Variants in KIAA0232 observed in about 807,000 individuals in gnomAD.
KIAA0232 encodes uncharacterized protein KIAA0232.
A neutral mutation model predicts 122.0 loss-of-function variants in KIAA0232; 27 were observed. The ratio of observed to expected loss-of-function variants is 0.22; its 90% CI spans 0.16 to 0.31. The LOEUF (loss-of-function observed/expected upper bound fraction) is 0.31, where lower values mean the gene tolerates loss of function less well. KIAA0232 is among the 10% of genes least tolerant of loss of function. KIAA0232 has a pLI of 1.00. For missense variants in KIAA0232, 1,551 were observed against 1,634.2 expected, an observed-to-expected ratio of 0.95 and a Z score of 0.88; for synonymous variants, 613 against 587.6, an observed-to-expected ratio of 1.04 and a Z score of -0.63.
chr4:6,873,372 T>G (rs1721595133), intron 8 of KIAA0232, among the ~76,000 whole-genome samples: 3 of 152,222 alleles, frequency 2.0e-5, no homozygotes. Flanking sequence ...AGAGCTTCCC[T>G]TCATGTGTGT....
In KIAA0232 at chr4:6,883,272, G is replaced by A. The variant is rs962064112; in HGVS notation, c.*2306G>A. On this transcript the variant is annotated 3_prime_UTR_variant, in exon 10 of 10. Transcript: ENST00000307659. ...TTCCTGGGCTGAGATTGTTTTTCCCGTGGTTGTATTGTTCTGATTTCACGT... is the reference window on the plus strand; with the variant it reads ...TTCCTGGGCTGAGATTGTTTTTCCCATGGTTGTATTGTTCTGATTTCACGT... 4.6e-5 allele frequency: 7 copies of A among 152,532 alleles called. No homozygotes were observed. Among genetic ancestry groups the A allele is most frequent in the Admixed American group, 2.6e-4 (4 of 15,274 alleles). The allele number at this position is 152,532 out of a possible 1,614,324, so 9.4% of individuals were successfully genotyped here. A position where few individuals can be genotyped will look rare whatever the true frequency, so the allele number is the denominator to read the frequency against.
chr4:6,796,215 A>C (rs996108907), intron 1 of KIAA0232, among the ~76,000 whole-genome samples: 2 of 152,136 alleles, frequency 1.3e-5, no homozygotes, highest in African/African-American at 2.4e-5. Flanking sequence ...CTGTAGGATC[A>C]GGATAGGATT....
At chr4:6,866,280 A>G in intron 7 of KIAA0232, 3 of 963,160 alleles carry the variant, frequency 3.1e-6, no homozygotes, top group African/African-American at 3.5e-5. Flanking sequence ...TGATGTATTT[A>G]TGTGTTATCA....
intron 5 of KIAA0232, among the ~76,000 whole-genome samples, chr4:6,858,207 A>G (rs1461362789): frequency 6.6e-6 from 1 of 152,202 alleles, no homozygotes; most frequent in East Asian, 1.9e-4. Context: ...GAGATGAACA[A>G]CTCTCACCTC....
chr4:6,878,056 A>T (rs906581825), intron 9 of KIAA0232, among the ~76,000 whole-genome samples: 12 of 152,184 alleles, frequency 7.9e-5, no homozygotes, highest in African/African-American at 2.9e-4. Context: ...AGTTAACAAT[A>T]CTTAAATGCT....
chr4:6,787,377 G>C (rs935843122), intron 1 of KIAA0232, among the ~76,000 whole-genome samples: 3 of 152,160 alleles, frequency 2.0e-5, no homozygotes, highest in African/African-American at 7.2e-5. Flanking sequence ...CCGTGAACAA[G>C]TTTGTTAAAT....
chr4:6,867,600 G>A (rs1404463276), intron 7 of KIAA0232, among the ~76,000 whole-genome samples: 1 of 152,182 alleles, frequency 6.6e-6, no homozygotes, highest in African/African-American at 2.4e-5. Context: ...TGTCTTCAGG[G>A]AATTTCAGTC....
In KIAA0232 at chr4:6,863,261, A is replaced by G; in HGVS notation, c.2879A>G (p.Gln960Arg). 2 of 1,614,138 alleles carry G rather than the reference A, an allele frequency of 1.2e-6. No homozygotes were observed. Among genetic ancestry groups the G allele is most frequent in the Non-Finnish European group, 8.5e-7 (1 of 1,180,042 alleles). ...PPSHTKGSLL[Q>R]CAASDVVTIA... ...AGTCACACAAAAGGAAGTCTGTTAC[A>G]GTGTGCAGCTTCTGATGTTGTGACG... Residue 960 changes from glutamine (Q) to arginine (R), a missense_variant, in exon 7 of 10, where the codon CAG becomes CGG. Gln to Arg is a conservative substitution (Grantham distance 43, BLOSUM62 1). Transcript: ENST00000307659.
At chr4:6,795,705 AT>A (rs956302821) in intron 1 of KIAA0232, among the ~76,000 whole-genome samples, 3 of 152,056 alleles carry the variant, frequency 2.0e-5, no homozygotes, top group Non-Finnish European at 4.4e-5. Flanking sequence ...TAGTCCTCCC[AT>A]TTCAGCCTCC....
At chr4:6,848,978 A>G (rs1720125449) in intron 4 of KIAA0232, among the ~76,000 whole-genome samples, 4 of 152,224 alleles carry the variant, frequency 2.6e-5, no homozygotes, top group Admixed American at 2.6e-4. Flanking sequence ...GGAGCATTTG[A>G]GGACACACGG....
Position 6,882,086 on chromosome 4 carries a change from G to A in KIAA0232, c.*1120G>A, listed in dbSNP as rs1278065044. 2 of 152,580 alleles carry A rather than the reference G, an allele frequency of 1.3e-5. No homozygotes were observed. The highest frequency in any genetic ancestry group is 4.8e-5 in the African/African-American group (2 of 41,458). The allele number at this position is 152,580 out of a possible 1,614,324, so 9.5% of individuals were successfully genotyped here. On this transcript the variant is annotated 3_prime_UTR_variant, in exon 10 of 10. Transcript: ENST00000307659. ...GGACTGGCTCCCGTTTCTCCTTGGT[G>A]AGCCCGGGGAGCCGGCGCATCTTGT...
intron 4 of KIAA0232, among the ~76,000 whole-genome samples, chr4:6,852,269 T>G (rs11722984): frequency 1.3e-5 from 2 of 152,180 alleles, no homozygotes; most frequent in African/African-American, 2.4e-5. Context: ...TTAGAGGAGT[T>G]TTTTTTCACT....
chr4:6,860,953 A>G lies in KIAA0232; in HGVS notation c.571A>G (p.Ile191Val), dbSNP rs1413403407. The stretch of plus-strand genomic sequence containing the variant: ...TGAGAAACCAGTTTGCCTGCAAGAA[A>G]TCATGACTGTGTGGAACAAGTCTAA... ...LSEKPVCLQE[I>V]MTVWNKSKVC... The change falls in exon 7 of 10, where the codon ATC becomes GTC. Residue 191 changes from isoleucine to valine, a missense_variant. Around this residue, in one of 5 missense-constraint regions of KIAA0232, gnomAD observed 377 missense variants for 381.7 expected, o/e 0.99. Coordinates refer to ENST00000307659, the MANE Select transcript of KIAA0232 (RefSeq NM_014743.3). The G allele has an allele frequency of 6.2e-7, 1 of 1,614,172 alleles. No homozygotes were observed. The highest frequency in any genetic ancestry group is 1.7e-5 in the Admixed American group (1 of 60,008).
At chr4:6,829,911 T>C (rs1190174102) in intron 3 of KIAA0232, among the ~76,000 whole-genome samples, 9 of 152,356 alleles carry the variant, frequency 5.9e-5, no homozygotes, top group Middle Eastern at 3.4e-3. Flanking sequence ...GTTTCAGTAT[T>C]GTTCTTATAA....
chr4:6,875,359 T>C (rs1272038481), intron 8 of KIAA0232, among the ~76,000 whole-genome samples: 3 of 152,256 alleles, frequency 2.0e-5, no homozygotes, highest in Non-Finnish European at 4.4e-5. Context: ...CAAAGTTACA[T>C]CACAAGTAAA....
At chr4:6,836,187 TGTG>T (rs2109095110) in intron 3 of KIAA0232, among the ~76,000 whole-genome samples, 1 of 152,376 alleles carries the variant, frequency 6.6e-6, no homozygotes, top group East Asian at 1.9e-4. Flanking sequence ...GGTATCTCAT[TGTG>T]GTTTTGATTT....
intron 1 of KIAA0232, among the ~76,000 whole-genome samples, chr4:6,792,835 G>A (rs993096461): frequency 6.6e-6 from 1 of 151,810 alleles, no homozygotes; most frequent in African/African-American, 2.4e-5. Context: ...GACCACAGGT[G>A]CCCACCACCA....
intron 3 of KIAA0232, among the ~76,000 whole-genome samples, chr4:6,828,766 T>A (rs1430120036): frequency 6.6e-6 from 1 of 152,228 alleles, no homozygotes; most frequent in Non-Finnish European, 1.5e-5. Flanking sequence ...AGCCCACTTT[T>A]CTTCATCTTC....
intron 2 of KIAA0232, among the ~76,000 whole-genome samples, chr4:6,813,359 T>G (rs984571851): frequency 3.3e-5 from 5 of 151,798 alleles, no homozygotes; most frequent in African/African-American, 1.2e-4. Context: ...CTGTTTTTTT[T>G]TTTTTGTTTT....
Sources: allele counts gnomAD v4.1 joint callset (sites outside exome capture counted in the v4.1 genomes callset), GRCh38; gene constraint gnomAD v4.1.1; regional missense constraint gnomAD v4.1.1; transcripts MANE v1.5; gene names NCBI Gene and HGNC (gene_info 2026-07-23, HGNC 2026-07-21).